PEDS1: variants seen among roughly 807,000 people sequenced by gnomAD.
The protein encoded by PEDS1 is plasmanylethanolamine desaturase 1.
PEDS1 carries 14 observed loss-of-function variants against 35.2 expected under a neutral mutation model. The observed-to-expected ratio is 0.40, with a 90% confidence interval of 0.26 to 0.62. The LOEUF (loss-of-function observed/expected upper bound fraction) is 0.62, where lower values mean the gene tolerates loss of function less well. PEDS1 is among the 20% of genes least tolerant of loss of function. The pLI is 0.44. For synonymous variants in PEDS1, 152 were observed against 152.0 expected, an observed-to-expected ratio of 1.00 and a Z score of 0.00; for missense variants, 260 against 367.8, an observed-to-expected ratio of 0.71 and a Z score of 2.40.
At chr20:50,142,553 C>T (rs1053384930) in intron 2 of PEDS1, among the ~76,000 whole-genome samples, 3 of 152,042 alleles carry the variant, frequency 2.0e-5, no homozygotes, top group Non-Finnish European at 4.4e-5. Flanking sequence ...TTCTCCTGCC[C>T]CAGCCTCCCA....
chr20:50,139,891 G>A (rs1392308470), intron 2 of PEDS1, among the ~76,000 whole-genome samples: 2 of 152,106 alleles, frequency 1.3e-5, no homozygotes, highest in East Asian at 3.9e-4. Flanking sequence ...GTCCCAAAGT[G>A]CTGGGATTAC....
rs116892359 is a variant in PEDS1 at position 50,146,183 on chromosome 20, T to C, written c.122-2562A>G. On this transcript the variant is annotated intron_variant, in intron 1 of 5. Coordinates refer to ENST00000371652, the MANE Select transcript of PEDS1 (RefSeq NM_199129.4). ...CCTCCTGTGTCCACCCTCTCTTCTT[T>C]TTAGGACTCTGTGCATGCTGTTCTC... is the stretch of plus-strand genomic sequence containing the variant. 4.7e-3 allele frequency among the ~76,000 whole-genome samples: 716 copies of C among 152,222 alleles called. 2 individuals carry two copies. The highest frequency in any genetic ancestry group is 7.5e-3 in the Non-Finnish European group (508 of 68,004).
intron 1 of PEDS1, among the ~76,000 whole-genome samples, chr20:50,145,896 A>G (rs2081340478): frequency 6.6e-6 from 1 of 152,156 alleles, no homozygotes; most frequent in African/African-American, 2.4e-5. Flanking sequence ...GAGAAAACTG[A>G]CCATCAGAGT....
intron 5 of PEDS1, among the ~76,000 whole-genome samples, chr20:50,127,426 C>T (rs966712458): frequency 6.6e-6 from 1 of 150,798 alleles, no homozygotes; most frequent in East Asian, 1.9e-4. Context: ...ACTGCAACCT[C>T]CACCTCCCAG....
At chr20:50,134,381 AC>A (rs2081210397) in intron 2 of PEDS1, among the ~76,000 whole-genome samples, 1 of 152,210 alleles carries the variant, frequency 6.6e-6, no homozygotes, top group South Asian at 2.1e-4. Flanking sequence ...CCTTGTCTCT[AC>A]AAAAAACACA....
Position 50,138,490 on chromosome 20 carries a change from C to T in PEDS1, c.241+5012G>A, listed in dbSNP as rs765818398. ...GTGGGTCCCACGACACAGCAAGCATCCCCCCAACGCAGCTCCTGTGAGCTC... is the reference window on the plus strand; with the variant it reads ...GTGGGTCCCACGACACAGCAAGCATTCCCCCAACGCAGCTCCTGTGAGCTC... On this transcript the variant is annotated intron_variant, in intron 2 of 5. Coordinates refer to ENST00000371652, the MANE Select transcript of PEDS1 (RefSeq NM_199129.4). Among the ~76,000 whole-genome samples, 96 of 152,228 alleles carry T rather than the reference C, an allele frequency of 6.3e-4. 1 individual carries two copies. The highest frequency in any genetic ancestry group is 1.2e-3 in the Non-Finnish European group (82 of 68,034).
chr20:50,149,098 G>A (rs1455412873), intron 1 of PEDS1, among the ~76,000 whole-genome samples: 1 of 152,112 alleles, frequency 6.6e-6, no homozygotes, highest in Non-Finnish European at 1.5e-5. Flanking sequence ...AGGTAACAGA[G>A]CAAAACCTTG....
Position 50,128,522 on chromosome 20 carries a change from A to G in PEDS1, c.479-335T>C, listed in dbSNP as rs1041995352. On this transcript the variant is annotated intron_variant, in intron 4 of 5. Coordinates refer to ENST00000371652, the MANE Select transcript of PEDS1 (RefSeq NM_199129.4). This position sits in a 1 kb window ranked among gnomAD's most constrained non-coding sequence, Gnocchi z 5.2. ...TGGATCGGTGACTCTGCCTCTAAGA[A>G]GCTTAATTTCCCCATCAGGAAAATG... Among the ~76,000 whole-genome samples, 3 of 152,170 alleles carry G rather than the reference A, an allele frequency of 2.0e-5. No individual in the cohort carries two copies. Among genetic ancestry groups the G allele is most frequent in the Non-Finnish European group, 2.9e-5 (2 of 68,026 alleles).
At chr20:50,131,207 C>T in intron 2 of PEDS1, 1 of 761,790 alleles carries the variant, frequency 1.3e-6, no homozygotes, top group South Asian at 1.7e-5. Flanking sequence ...CTCAGATCAG[C>T]TCAACCTTTC....
At chr20:50,136,269 G>A (rs914792639) in intron 2 of PEDS1, among the ~76,000 whole-genome samples, 1 of 152,146 alleles carries the variant, frequency 6.6e-6, no homozygotes, top group African/African-American at 2.4e-5. Flanking sequence ...TGAGAAAGAT[G>A]AGCATAATAA....
chr20:50,128,121 G>C lies in PEDS1; in HGVS notation c.545C>G (p.Thr182Ser), dbSNP rs765085052. 1 of 1,614,200 alleles carries C rather than the reference G, an allele frequency of 6.2e-7. No individual in the cohort carries two copies. The highest frequency in any genetic ancestry group is 8.5e-7 in the Non-Finnish European group (1 of 1,180,034). The change falls in exon 5 of 6, where the codon ACC (threonine) becomes AGC (serine). Residue 182 changes from threonine to serine, a missense_variant. Transcript: ENST00000371652. This position sits in a 1 kb window ranked among gnomAD's most constrained non-coding sequence, Gnocchi z 5.2. ...GTGCGACCACTTGTGGATCTGGTTG[G>C]TGAAGGTGCCGAAGATGATCAGGCA... is the stretch of plus-strand genomic sequence containing the variant. The part of the protein sequence containing the change: ...VFCLIIFGTF[T>S]NQIHKWSHTY...
chr20:50,130,293 A>G (rs1386470255), intron 3 of PEDS1, among the ~76,000 whole-genome samples: 1 of 152,186 alleles, frequency 6.6e-6, no homozygotes, highest in Non-Finnish European at 1.5e-5. Context: ...GGAGAAGGAC[A>G]GTTCTCTTTT....
intron 5 of PEDS1, among the ~76,000 whole-genome samples, chr20:50,126,979 G>A (rs1306512731): frequency 2.0e-5 from 3 of 151,948 alleles, no homozygotes; most frequent in South Asian, 4.2e-4. Flanking sequence ...TGCTCTGCCC[G>A]CTTCTCCCTC....
intron 5 of PEDS1, 112 bp from the exon 6 acceptor site, chr20:50,125,291 C>T (rs1272426248): frequency 1.4e-6 from 2 of 1,389,324 alleles, no homozygotes; most frequent in African/African-American, 1.4e-5. Context: ...TGAGTCAGTA[C>T]AGGATAGGAC....
chr20:50,141,051 G>A (rs1245702797), intron 2 of PEDS1, among the ~76,000 whole-genome samples: 4 of 152,104 alleles, frequency 2.6e-5, no homozygotes, highest in Non-Finnish European at 5.9e-5. Context: ...ACCTACCTGG[G>A]ACATCCACCC....
rs572988875 is a variant in PEDS1, at chr20:50,119,107, C to G, written c.*5951G>C. Reference sequence around the variant, plus strand: ...CTGAAAACTTGTGAACTTAAACCGGCATGGCCTCTGGAAGACAATTTGGTA... The same window carrying G: ...CTGAAAACTTGTGAACTTAAACCGGGATGGCCTCTGGAAGACAATTTGGTA... On this transcript the variant is annotated 3_prime_UTR_variant, in exon 6 of 6. Transcript: ENST00000371652. The G allele has an allele frequency of 3.9e-5, 6 of 152,256 alleles. No homozygotes were observed. In the South Asian group the frequency reaches 1.2e-3, roughly 32 times the overall value. The allele number at this position is 152,256 out of a possible 1,614,324, so 9.4% of individuals were successfully genotyped here. A position where few individuals can be genotyped will look rare whatever the true frequency, so the allele number is the denominator to read the frequency against.
rs753845951 is a variant in PEDS1, at chr20:50,127,980, G to C, written c.686C>G (p.Thr229Ser). The change falls in exon 5 of 6, where the codon ACC (threonine) becomes AGC (serine). Residue 229 changes from threonine (T) to serine (S), a missense_variant. Physicochemically the swap from Thr to Ser is moderately conservative, Grantham distance 58 (BLOSUM62 1). Around this residue, in one of 4 missense-constraint regions of PEDS1, gnomAD observed 83 missense variants for 142.8 expected, o/e 0.58. Transcript: ENST00000371652. ...CACGCCACTGGTGGCCGCACCTGTGGTGATGCAGAAGTAGGTCTCGTGGGG... is the reference window on the plus strand; with the variant it reads ...CACGCCACTGGTGGCCGCACCTGTGCTGATGCAGAAGTAGGTCTCGTGGGG... ...VSPHETYFCI[T>S]TGWLNYPLEK... 1.2e-6 allele frequency: 2 copies of C among 1,613,856 alleles called. No individual in the cohort carries two copies. Among genetic ancestry groups the C allele is most frequent in the African/African-American group, 2.7e-5 (2 of 74,924 alleles).
chr20:50,124,871 A>AG lies in PEDS1; in HGVS notation c.*186_*187insC. On this transcript the variant is annotated 3_prime_UTR_variant, in exon 6 of 6. Coordinates refer to ENST00000371652, the MANE Select transcript of PEDS1 (RefSeq NM_199129.4). The stretch of plus-strand genomic sequence containing the variant: ...CTGAGGAGGGGCCGAGGAAAAAAAA[A>AG]AAAAAGAAATGAAAAATCAGTGGCT... The AG allele has an allele frequency of 1.3e-6, 1 of 780,844 alleles. No homozygotes were observed. Among genetic ancestry groups the AG allele is most frequent in the Non-Finnish European group, 2.0e-6 (1 of 508,510 alleles). 48.4% of individuals were successfully genotyped at this position (780,844 alleles called of 1,614,324 possible). A position where few individuals can be genotyped will look rare whatever the true frequency, so the allele number is the denominator to read the frequency against.
chr20:50,125,250 C>A, intron 5 of PEDS1, 71 bp from the exon 6 acceptor site: 1 of 1,576,170 alleles, frequency 6.3e-7, no homozygotes, highest in South Asian at 1.1e-5. Context: ...GAGAGCTGAC[C>A]TTCACTGGGC....
Sources: allele counts gnomAD v4.1 joint callset (sites outside exome capture counted in the v4.1 genomes callset), GRCh38; gene constraint gnomAD v4.1.1; regional missense constraint gnomAD v4.1.1; non-coding constraint Gnocchi (gnomAD v3.1); transcripts MANE v1.5; gene names NCBI Gene and HGNC (gene_info 2026-07-23, HGNC 2026-07-21).